Variants in MED12L observed in about 807,000 individuals in gnomAD.
MED12L encodes the protein mediator of RNA polymerase II transcription subunit 12-like protein.
MED12L carries 60 observed loss-of-function variants against 281.3 expected under a neutral mutation model. That is an observed-to-expected ratio of 0.21 (90% CI 0.17 to 0.26). The LOEUF (loss-of-function observed/expected upper bound fraction) is 0.26, where lower values mean the gene tolerates loss of function less well. Ranked by LOEUF, MED12L falls within the 10% of genes least tolerant of loss-of-function variation. MED12L has a pLI of 1.00. For synonymous variants in MED12L, 974 were observed against 987.2 expected, an observed-to-expected ratio of 0.99 and a Z score of 0.25; for missense variants, 2,146 against 2,680.9, an observed-to-expected ratio of 0.80 and a Z score of 4.41.
intron 13 of MED12L, 78 bp from the exon 14 acceptor site, chr3:151,190,639 G>A: frequency 7.9e-7 from 1 of 1,270,406 alleles, no homozygotes; most frequent in Non-Finnish European, 1.1e-6. Context: ...GAAAAGTAAT[G>A]AAAATATTAA....
intron 39 of MED12L, among the ~76,000 whole-genome samples, chr3:151,405,787 C>CCA (rs1716227798): frequency 6.6e-6 from 1 of 152,124 alleles, no homozygotes; most frequent in South Asian, 2.1e-4. Context: ...GATACTAATG[C>CCA]TGGCAGGAAG....
chr3:151,430,046 T>C (rs1719302210), intron 43 of MED12L, among the ~76,000 whole-genome samples: 1 of 152,196 alleles, frequency 6.6e-6, no homozygotes, highest in Admixed American at 6.5e-5. Context: ...GTGGAGTTCT[T>C]CATTGGGGCT....
intron 16 of MED12L, among the ~76,000 whole-genome samples, chr3:151,299,668 A>G (rs1490052605): frequency 2.0e-5 from 3 of 151,466 alleles, no homozygotes; most frequent in Non-Finnish European, 4.4e-5. Flanking sequence ...AGGTATGATC[A>G]TTTTCCAAAT....
At chr3:151,297,594 T>G (rs1469420284) in intron 16 of MED12L, among the ~76,000 whole-genome samples, 2 of 152,198 alleles carry the variant, frequency 1.3e-5, no homozygotes, top group East Asian at 3.8e-4. Flanking sequence ...GTTCATGAGC[T>G]ACAGCATACT....
intron 16 of MED12L, among the ~76,000 whole-genome samples, chr3:151,216,156 A>G (rs117038334): frequency 5.3e-5 from 8 of 152,140 alleles, no homozygotes; most frequent in Non-Finnish European, 8.8e-5. Context: ...TTACTCTTGA[A>G]TTCTTTGCAT....
chr3:151,337,778 G>T (rs1751206271), intron 16 of MED12L: 2 of 1,598,374 alleles, frequency 1.3e-6, no homozygotes, highest in Admixed American at 1.7e-5. Flanking sequence ...AACGAGTTCT[G>T]AACACAAAGA....
At chr3:151,248,233 A>G (rs1028596410) in intron 16 of MED12L, among the ~76,000 whole-genome samples, 1 of 152,100 alleles carries the variant, frequency 6.6e-6, no homozygotes, top group Non-Finnish European at 1.5e-5. Context: ...ACTAATAAAA[A>G]ATAAAACAGC....
At chr3:151,124,123 C>G (rs1376831202) in intron 4 of MED12L, among the ~76,000 whole-genome samples, 1 of 152,214 alleles carries the variant, frequency 6.6e-6, no homozygotes, top group Non-Finnish European at 1.5e-5. Context: ...TGGCTGTTGA[C>G]TAACAGTTCA....
In MED12L at chr3:151,400,882, A is replaced by G. The variant is rs186263461; in HGVS notation, c.5820+6015A>G. On this transcript the variant is annotated intron_variant, in intron 39 of 44. Transcript: ENST00000687756. ...AATGCACTTACTAGCTTTATTAAAT[A>G]ATATTCTTCCATAATGCTGTAGATT... Among the ~76,000 whole-genome samples the G allele has an allele frequency of 1.8e-3, 280 of 152,322 alleles. 1 individual carries two copies. The highest frequency in any genetic ancestry group is 1.3e-3 in the Non-Finnish European group (86 of 68,026).
chr3:151,154,628 A>C (rs1182087727), intron 5 of MED12L, among the ~76,000 whole-genome samples: 2 of 152,234 alleles, frequency 1.3e-5, no homozygotes, highest in South Asian at 2.1e-4. Context: ...GAATAGTACC[A>C]TACTGACAGT....
At chr3:151,389,159 T>G (rs1713850595) in intron 37 of MED12L, among the ~76,000 whole-genome samples, 5 of 152,146 alleles carry the variant, frequency 3.3e-5, no homozygotes, top group Admixed American at 2.6e-4. Flanking sequence ...AAGGGAAGTT[T>G]AAAATGGTCC....
intron 16 of MED12L, among the ~76,000 whole-genome samples, chr3:151,346,691 T>C (rs978976557): frequency 1.3e-5 from 2 of 152,166 alleles, no homozygotes; most frequent in Non-Finnish European, 2.9e-5. Flanking sequence ...TTTGCTGGCT[T>C]ATTTCTCCCC....
chr3:151,372,873 C>A, intron 27 of MED12L, 107 bp downstream of exon 27: 1 of 764,086 alleles, frequency 1.3e-6, no homozygotes, highest in Non-Finnish European at 2.1e-6. Context: ...TTTTTTCTTG[C>A]TCACTTTATT....
chr3:151,144,428 G>A (rs1201200991), intron 5 of MED12L, among the ~76,000 whole-genome samples: 1 of 152,174 alleles, frequency 6.6e-6, no homozygotes, highest in African/African-American at 2.4e-5. Context: ...GAAAGATGCA[G>A]TCGGGAGTTT....
chr3:151,157,365 A>T (rs1719421534), intron 6 of MED12L, among the ~76,000 whole-genome samples: 1 of 152,160 alleles, frequency 6.6e-6, no homozygotes, highest in Non-Finnish European at 1.5e-5. Context: ...ACCCTAATTC[A>T]TACACGTGAA....
chr3:151,317,265 TACAC>T (rs1271608955), intron 16 of MED12L, among the ~76,000 whole-genome samples: 15 of 151,376 alleles, frequency 9.9e-5, no homozygotes, highest in African/African-American at 3.4e-4. Context: ...TTTTTACACA[TACAC>T]AATAGACATA....
intron 16 of MED12L, among the ~76,000 whole-genome samples, chr3:151,209,665 C>G (rs1397854304): frequency 6.6e-6 from 1 of 152,120 alleles, no homozygotes; most frequent in Non-Finnish European, 1.5e-5. Context: ...AATATTATCT[C>G]TTGATGTTAC....
At chr3:151,152,085 G>GTTTTTTTTTTTTTTTTTTTTTTTTTT (rs141353889) in intron 5 of MED12L, among the ~76,000 whole-genome samples, 1 of 63,020 alleles carries the variant, frequency 1.6e-5, no homozygotes, top group African/African-American at 6.2e-5. Flanking sequence ...GTTGAAGGTG[G>GTTTTTTTTTTTTTTTTTTTTTTTTTT]TTTTTTTTTT....
intron 5 of MED12L, among the ~76,000 whole-genome samples, chr3:151,141,187 G>GTTTTTTGTTTTT (rs1716936010): frequency 2.0e-5 from 2 of 99,108 alleles, no homozygotes; most frequent in African/African-American, 9.5e-5. Flanking sequence ...TGTTTTTTTT[G>GTTTTTTGTTTTT]TTTTTTTTTT....
Sources: gnomAD v4.1 joint callset for allele counts (sites outside exome capture counted in the v4.1 genomes callset) on GRCh38, gnomAD v4.1.1 for gene constraint, MANE v1.5 for transcripts, NCBI Gene and HGNC (gene_info 2026-07-23, HGNC 2026-07-21) for gene names.